TRIM29: variants seen among roughly 807,000 people sequenced by gnomAD.
The protein encoded by TRIM29 is tripartite motif-containing protein 29.
TRIM29 carries 52 observed loss-of-function variants against 57.3 expected under a neutral mutation model. The ratio of observed to expected loss-of-function variants is 0.91; its 90% CI spans 0.73 to 1.14. The LOEUF (loss-of-function observed/expected upper bound fraction) is 1.14, where lower values mean the gene tolerates loss of function less well. Among genes scored for constraint, TRIM29 ranks in the 50% most tolerant of loss-of-function variants. The pLI is 0.00. For missense variants in TRIM29, 753 were observed against 774.6 expected (o/e 0.97, Z 0.33); for synonymous variants, 319 against 316.9 (o/e 1.01, Z -0.07).
At chr11:120,113,801 A>G (rs1009873843) in intron 8 of TRIM29, 2 of 413,022 alleles carry the variant, frequency 4.8e-6, no homozygotes, top group African/African-American at 4.1e-5. Context: ...CAGATTTGGA[A>G]ATGGCTGAAG....
rs781685725 is a variant in TRIM29 at position 120,138,045 on chromosome 11, G to A, written c.-14C>T. ...TGCAGCTTCCATCGCAGGGTGCTTG[G>A]CTGAGCTGTTTCAGGCTTGCTGGGG... On this transcript the variant is annotated 5_prime_UTR_variant, in exon 1 of 9. Coordinates refer to ENST00000341846, the MANE Select transcript of TRIM29 (RefSeq NM_012101.4). 5.7e-6 allele frequency: 9 copies of A among 1,580,270 alleles called. No homozygotes were observed. In the African/African-American group the frequency reaches 8.1e-5, roughly 14 times the overall value.
intron 3 of TRIM29, chr11:120,126,221 A>C (rs1863586423): frequency 4.5e-6 from 1 of 220,206 alleles, no homozygotes; most frequent in South Asian, 1.5e-4. Context: ...GAATTACTAT[A>C]GAATTTGGGG....
chr11:120,120,778 G>A (rs1468338415), intron 5 of TRIM29, 113 bp from the exon 6 acceptor site: 2 of 848,900 alleles, frequency 2.4e-6, no homozygotes, highest in South Asian at 2.8e-5. Context: ...ACCACTGAGA[G>A]AAGTCCTTTG....
chr11:120,127,411 T>A lies in TRIM29; in HGVS notation c.1059A>T (p.Arg353Ser). Reference sequence around the variant, plus strand: ...GCTTGTCCTCATGCAGCACCTTGGCTCTCTCATCCAGAGCATCCATGATCA... The same window carrying A: ...GCTTGTCCTCATGCAGCACCTTGGCACTCTCATCCAGAGCATCCATGATCA... ...VKVIMDALDE[R>S]AKVLHEDKQT... The change falls in exon 3 of 9, where the codon AGA becomes AGT. Residue 353 changes from arginine to serine, a missense_variant. Coordinates refer to ENST00000341846, the MANE Select transcript of TRIM29 (RefSeq NM_012101.4). The A allele has an allele frequency of 6.2e-7, 1 of 1,614,170 alleles. No homozygotes were observed. Among genetic ancestry groups the A allele is most frequent in the Non-Finnish European group, 8.5e-7 (1 of 1,180,034 alleles).
intron 7 of TRIM29, chr11:120,117,179 G>A (rs1863293052): frequency 3.9e-6 from 1 of 257,778 alleles, no homozygotes; most frequent in Admixed American, 5.1e-5. Context: ...CCCCTGCCAG[G>A]TGCTCTGTGG....
At chr11:120,119,869 C>A (rs1265237230) in intron 6 of TRIM29, among the ~76,000 whole-genome samples, 1 of 152,156 alleles carries the variant, frequency 6.6e-6, no homozygotes, top group Non-Finnish European at 1.5e-5. Context: ...AGAACCAGGT[C>A]TCATTGAATG....
intron 3 of TRIM29, chr11:120,126,286 C>T (rs1017353066): frequency 6.2e-6 from 1 of 162,032 alleles, no homozygotes; most frequent in Non-Finnish European, 1.3e-5. Flanking sequence ...GCGAGTCTCA[C>T]TCTGTTACCC....
At chr11:120,123,546 G>A in intron 4 of TRIM29, 1 of 433,626 alleles carries the variant, frequency 2.3e-6, no homozygotes, top group South Asian at 1.7e-5. Flanking sequence ...AAGGTGAGGG[G>A]ATGAGGTCCC....
chr11:120,132,997 C>G (rs911327755), intron 1 of TRIM29, among the ~76,000 whole-genome samples: 3 of 152,156 alleles, frequency 2.0e-5, no homozygotes, highest in African/African-American at 7.2e-5. Flanking sequence ...AGAGAGTTAG[C>G]ACCCCCCTCA....
chr11:120,122,115 T>C, intron 5 of TRIM29: 1 of 366,114 alleles, frequency 2.7e-6, no homozygotes, highest in East Asian at 7.5e-5. Context: ...CCCAAGCCTC[T>C]CCCATTGTGT....
Position 120,112,369 on chromosome 11 carries a change from G to C in TRIM29, c.*45C>G, listed in dbSNP as rs1036267596. 1 of 1,609,288 alleles carries C rather than the reference G, an allele frequency of 6.2e-7. No individual in the cohort carries two copies. Among genetic ancestry groups the C allele is most frequent in the African/African-American group, 1.3e-5 (1 of 74,882 alleles). On this transcript the variant is annotated 3_prime_UTR_variant, in exon 9 of 9. Coordinates refer to ENST00000341846, the MANE Select transcript of TRIM29 (RefSeq NM_012101.4). ...TTAGAAGGCAAGAGCAGCAGGGTCAGGAGGAAGAGCAGGGGTGTGGCGCCT... is the reference window on the plus strand; with the variant it reads ...TTAGAAGGCAAGAGCAGCAGGGTCACGAGGAAGAGCAGGGGTGTGGCGCCT...
At chr11:120,113,147 G>A (rs1216622670) in intron 8 of TRIM29, among the ~76,000 whole-genome samples, 12 of 152,062 alleles carry the variant, frequency 7.9e-5, no homozygotes. Context: ...GTAAAGAACT[G>A]CCCCAGTCCA....
chr11:120,116,121 GA>G (rs1863261853), intron 7 of TRIM29: 1 of 152,512 alleles, frequency 6.6e-6, no homozygotes. Flanking sequence ...AGGGCCTAGA[GA>G]GGTGCAGGAA....
chr11:120,123,150 C>T, intron 4 of TRIM29, 95 bp from the exon 5 acceptor site: 1 of 990,074 alleles, frequency 1.0e-6, no homozygotes, highest in Non-Finnish European at 1.6e-6. Flanking sequence ...CACCCCATAG[C>T]CCTTCCCCTA....
chr11:120,137,970 C>G lies in TRIM29; in HGVS notation c.62G>C (p.Ser21Thr), dbSNP rs1199684870. 12 of 1,605,506 alleles carry G rather than the reference C, an allele frequency of 7.5e-6. No homozygotes were observed. Among genetic ancestry groups the G allele is most frequent in the Non-Finnish European group, 1.0e-5 (12 of 1,179,964 alleles). ...GSSPEARDAR[S>T]PSGPSGSLEN... ...CAGGCTGCCACTGGGGCCCGACGGG[C>G]TCCGGGCATCCCTGGCTTCTGGGCT... The change falls in exon 1 of 9, where the codon AGC becomes ACC. Residue 21 changes from serine to threonine, a missense_variant. By Grantham distance (58) the Ser-to-Thr change is moderately conservative (BLOSUM62 1). Coordinates refer to ENST00000341846, the MANE Select transcript of TRIM29 (RefSeq NM_012101.4). This position sits in a 1 kb window ranked among gnomAD's most constrained non-coding sequence, Gnocchi z 6.2.
chr11:120,137,089 T>C lies in TRIM29; in HGVS notation c.804+139A>G. On this transcript the variant is annotated intron_variant, in intron 1 of 8. Transcript: ENST00000341846. This position sits in a 1 kb window ranked among gnomAD's most constrained non-coding sequence, Gnocchi z 6.2. ...GGGGGACAGGGGGCATGAGGGGAAA[T>C]AAATGTTTTCTAAAAGAGCCAAGGA... 1.1e-6 allele frequency: 1 copy of C among 940,964 alleles called. No individual in the cohort carries two copies. Among genetic ancestry groups the C allele is most frequent in the Non-Finnish European group, 1.6e-6 (1 of 643,670 alleles). The allele number at this position is 940,964 out of a possible 1,614,324, so 58.3% of individuals were successfully genotyped here.
At chr11:120,118,949 G>A (rs1863359124) in intron 6 of TRIM29, 1 of 152,422 alleles carries the variant, frequency 6.6e-6, no homozygotes, top group African/African-American at 2.4e-5. Context: ...CACGTGAACT[G>A]GGAATGTGCC....
intron 1 of TRIM29, among the ~76,000 whole-genome samples, chr11:120,134,144 T>TAG (rs1863772036): frequency 1.3e-5 from 2 of 152,244 alleles, no homozygotes; most frequent in African/African-American, 4.8e-5. Context: ...TGAGGCCTAT[T>TAG]GTGACATTTG....
chr11:120,117,146 A>G (rs116216830), intron 7 of TRIM29: 3,387 of 282,226 alleles, frequency 0.012, 115 homozygotes, highest in African/African-American at 0.071. Flanking sequence ...GCTGCTCTGA[A>G]TCACACCTGA....
Sources: gnomAD v4.1 joint callset for allele counts (sites outside exome capture counted in the v4.1 genomes callset) on GRCh38, gnomAD v4.1.1 for gene constraint, Gnocchi (gnomAD v3.1) non-coding constraint, MANE v1.5 for transcripts, NCBI Gene and HGNC (gene_info 2026-07-23, HGNC 2026-07-21) for gene names.